Variants in ATXN2 observed in about 807,000 individuals in gnomAD.
ATXN2 encodes the protein ataxin-2.
Under a neutral mutation model 138.6 loss-of-function variants are expected in ATXN2, and 37 were observed. The ratio of observed to expected loss-of-function variants is 0.27; its 90% CI spans 0.21 to 0.35. The LOEUF (loss-of-function observed/expected upper bound fraction) is 0.35, where lower values mean the gene tolerates loss of function less well. Ranked by LOEUF, ATXN2 falls within the 10% of genes least tolerant of loss-of-function variation. The probability of loss-of-function intolerance (pLI) is 1.00; values close to 1 mark genes in which losing one functional copy is unlikely to be tolerated. For missense variants in ATXN2, 1,216 were observed against 1,480.3 expected (o/e 0.82, Z 2.93); for synonymous variants, 549 against 543.7 (o/e 1.01, Z -0.13).
chr12:111,477,315 T>A (rs1876893552), intron 18 of ATXN2, among the ~76,000 whole-genome samples: 1 of 151,914 alleles, frequency 6.6e-6, no homozygotes, highest in Non-Finnish European at 1.5e-5. Flanking sequence ...GTCACACTAC[T>A]GCACTCCAGC....
chr12:111,544,282 A>G (rs1881691544), intron 5 of ATXN2, among the ~76,000 whole-genome samples: 1 of 152,152 alleles, frequency 6.6e-6, no homozygotes, highest in Admixed American at 6.5e-5. Flanking sequence ...GAGCTCTCTA[A>G]GTATCTGCTG....
At chr12:111,567,177 A>G (rs1883058749) in intron 1 of ATXN2, among the ~76,000 whole-genome samples, 1 of 152,214 alleles carries the variant, frequency 6.6e-6, no homozygotes, top group Non-Finnish European at 1.5e-5. Context: ...TGCTGTGAGC[A>G]CTGTTGAAAT....
intron 1 of ATXN2, among the ~76,000 whole-genome samples, chr12:111,582,993 GTTT>G (rs374845735): frequency 1.9e-3 from 189 of 100,054 alleles, no homozygotes; most frequent in South Asian, 5.4e-3. Context: ...TTTTTTGTTT[GTTT>G]TTTTTTTTTT....
chr12:111,498,159 C>A (rs1878548654), intron 14 of ATXN2, among the ~76,000 whole-genome samples: 1 of 152,148 alleles, frequency 6.6e-6, no homozygotes, highest in Non-Finnish European at 1.5e-5. Context: ...AGATCTGGAA[C>A]AAGACAAGGA....
In ATXN2 at chr12:111,585,801, CAAAAAAAAAAAAAAAAA is replaced by C. The variant is rs761433806; in HGVS notation, c.251+12966_251+12982del. On this transcript the variant is annotated intron_variant, in intron 1 of 24. Coordinates refer to ENST00000673436, the MANE Select transcript of ATXN2 (RefSeq NM_001372574.1). ...GGGTGACAAGAGCAAAACTCCATCT[CAAAAAAAAAAAAAAAAA>C]AAAAAAAAAAAACCTCCCAGAATGG... 6.3e-3 allele frequency among the ~76,000 whole-genome samples: 156 copies of C among 24,804 alleles called. 4 individuals are homozygous for C. The highest frequency in any genetic ancestry group is 0.054 in the Admixed American group (76 of 1,418). The allele number at this position is 24,804 out of a possible 152,430, so 16.3% of individuals were successfully genotyped here.
intron 14 of ATXN2, among the ~76,000 whole-genome samples, chr12:111,506,000 TAGTC>T (rs1168531617): frequency 5.3e-5 from 8 of 152,184 alleles, no homozygotes; most frequent in African/African-American, 1.7e-4. Context: ...CAAGGAATAT[TAGTC>T]AGTCACAAAA....
At chr12:111,462,497 A>G (rs1194519464) in intron 21 of ATXN2, among the ~76,000 whole-genome samples, 1 of 152,248 alleles carries the variant, frequency 6.6e-6, no homozygotes, top group Non-Finnish European at 1.5e-5. Flanking sequence ...CTGATGTTAA[A>G]TTCAGAAAAA....
chr12:111,587,063 C>A (rs1884382293), intron 1 of ATXN2, among the ~76,000 whole-genome samples: 1 of 128,324 alleles, frequency 7.8e-6, no homozygotes, highest in Non-Finnish European at 1.6e-5. Context: ...AACAAGACCC[C>A]CATTTCTACC....
At chr12:111,491,116 G>A (rs1166608896) in intron 14 of ATXN2, among the ~76,000 whole-genome samples, 1 of 152,076 alleles carries the variant, frequency 6.6e-6, no homozygotes, top group Non-Finnish European at 1.5e-5. Context: ...AGCCAGAGGT[G>A]GTAGCGCATG....
At chr12:111,592,077 CAA>C (rs113031934) in intron 1 of ATXN2, among the ~76,000 whole-genome samples, 3 of 118,918 alleles carry the variant, frequency 2.5e-5, no homozygotes, top group Non-Finnish European at 3.6e-5. Context: ...AAAACTGTCT[CAA>C]AAAAAAAAAA....
At chr12:111,492,510 C>G (rs529279113) in intron 14 of ATXN2, among the ~76,000 whole-genome samples, 1 of 152,180 alleles carries the variant, frequency 6.6e-6, no homozygotes, top group Admixed American at 6.5e-5. Context: ...GGTGAAACAC[C>G]ATATTTACTA....
intron 1 of ATXN2, among the ~76,000 whole-genome samples, chr12:111,584,377 C>CAAAAAAAAAAAAAAAAAAAA (rs58678794): frequency 2.2e-5 from 1 of 44,746 alleles, no homozygotes; most frequent in African/African-American, 7.2e-5. Flanking sequence ...GACCCTGTCT[C>CAAAAAAAAAAAAAAAAAAAA]AAAAAAAAAA....
At position 111,598,244 on chromosome 12, in the gene ATXN2, CTGA is replaced by C; in HGVS notation, c.251+537_251+539del. The C allele has an allele frequency of 9.6e-7, 1 of 1,036,922 alleles. No individual in the cohort carries two copies. Among genetic ancestry groups the C allele is most frequent in the Non-Finnish European group, 1.2e-6 (1 of 859,948 alleles). The allele number at this position is 1,036,922 out of a possible 1,614,324, so 64.2% of individuals were successfully genotyped here. On this transcript the variant is annotated intron_variant, in intron 1 of 24. Coordinates refer to ENST00000673436, the MANE Select transcript of ATXN2 (RefSeq NM_001372574.1). The surrounding 1 kb of genome is among the most constrained non-coding windows in gnomAD (Gnocchi z 4.5). ...GGCGGGGAGAGAGCCCCGACAGACC[CTGA>C]TGATTCCGGAGGAGCCCGGTGCCTA...
chr12:111,598,991 T>C lies in ATXN2; in HGVS notation c.44A>G (p.Gln15Arg), dbSNP rs1566091148. ...PQQQQQQQQQ[Q>R]QQQQQQQQQQ... ...CTGCTGCTGCTGTTGCTGCTGCTGC[T>C]GCTGCTGCTGCTGCTGCTGCTGCTG... The change falls in exon 1 of 25, where the codon CAG (glutamine) becomes CGG (arginine). Residue 15 changes from glutamine to arginine, a missense_variant. Physicochemically the swap from Gln to Arg is conservative, Grantham distance 43. Around this residue, in one of 4 missense-constraint regions of ATXN2, gnomAD observed 110 missense variants for 88.7 expected, o/e 1.24. Coordinates refer to ENST00000673436, the MANE Select transcript of ATXN2 (RefSeq NM_001372574.1). This position sits in a 1 kb window ranked among gnomAD's most constrained non-coding sequence, Gnocchi z 4.5. 6.8e-7 allele frequency: 1 copy of C among 1,472,558 alleles called. No homozygotes were observed. Among genetic ancestry groups the C allele is most frequent in the Non-Finnish European group, 9.0e-7 (1 of 1,114,436 alleles). The allele number at this position is 1,472,558 out of a possible 1,614,324, so 91.2% of individuals were successfully genotyped here.
intron 8 of ATXN2, 94 bp downstream of exon 8, chr12:111,519,785 A>T: frequency 6.3e-7 from 1 of 1,583,772 alleles, no homozygotes. Flanking sequence ...CCTAAGCTAT[A>T]TTAAAGGAAG....
At chr12:111,575,845 A>AG (rs1037749289) in intron 1 of ATXN2, among the ~76,000 whole-genome samples, 1 of 152,170 alleles carries the variant, frequency 6.6e-6, no homozygotes, top group South Asian at 2.1e-4. Flanking sequence ...GCACTTTGGG[A>AG]GGCCAAGGCG....
chr12:111,533,271 C>T (rs533321758), intron 5 of ATXN2, among the ~76,000 whole-genome samples: 35 of 152,310 alleles, frequency 2.3e-4, no homozygotes, highest in South Asian at 1.9e-3. Context: ...AGTTGTCCTT[C>T]AGCATCTATG....
In ATXN2 at chr12:111,552,474, T is replaced by C. The variant is rs368640934; in HGVS notation, c.421-44A>G. The stretch of plus-strand genomic sequence containing the variant: ...GTAAGTACTCCAAACCTTTACAAAA[T>C]AAAATTTGTTAGGAATTCTTTAGCT... On this transcript the variant is annotated intron_variant, in intron 4 of 24. Coordinates refer to ENST00000673436, the MANE Select transcript of ATXN2 (RefSeq NM_001372574.1). The surrounding 1 kb of genome is among the most constrained non-coding windows in gnomAD (Gnocchi z 4.1). 1.3e-6 allele frequency: 2 copies of C among 1,554,860 alleles called. No homozygotes were observed. Among genetic ancestry groups the C allele is most frequent in the South Asian group, 2.5e-5 (2 of 81,608 alleles).
chr12:111,546,002 A>G (rs1446091857), intron 5 of ATXN2, among the ~76,000 whole-genome samples: 1 of 151,928 alleles, frequency 6.6e-6, no homozygotes, highest in East Asian at 1.9e-4. Flanking sequence ...GAAGAAGATA[A>G]ATTTGTAGAT....
Sources: gnomAD v4.1 joint callset for allele counts (sites outside exome capture counted in the v4.1 genomes callset) on GRCh38, gnomAD v4.1.1 for gene constraint, gnomAD v4.1.1 regional missense constraint, Gnocchi (gnomAD v3.1) non-coding constraint, MANE v1.5 for transcripts, NCBI Gene and HGNC (gene_info 2026-07-23, HGNC 2026-07-21) for gene names.